The following ZNF454 variants were observed in gnomAD, a reference collection of about 807,000 sequenced individuals.
The protein encoded by ZNF454 is zinc finger protein 454.
Under a neutral mutation model 48.2 loss-of-function variants are expected in ZNF454, and 30 were observed. That is an observed-to-expected ratio of 0.62 (90% confidence interval 0.47 to 0.84). ZNF454 has a LOEUF of 0.84. ZNF454 is among the 40% of genes least tolerant of loss of function. ZNF454 has a pLI of 0.00. For missense variants in ZNF454, 510 were observed against 623.1 expected (o/e 0.82, Z 1.93); for synonymous variants, 204 against 211.4 (o/e 0.97, Z 0.30).
chr5:178,989,818 G>C, the ZNF454 span: 1 of 318,588 alleles, frequency 3.1e-6, no homozygotes, highest in East Asian at 8.0e-5. Flanking sequence ...TAAGCAGGAA[G>C]ACCCAAGGCA....
chr5:178,967,878 T>G (rs139118659), downstream of ZNF454, among the ~76,000 whole-genome samples: 3,879 of 151,916 alleles, frequency 0.026, 79 homozygotes, highest in South Asian at 0.074. Flanking sequence ...TAGCTAGGTC[T>G]ACAGGCACCC....
rs770963444 is a variant in ZNF454, at chr5:178,942,732, T to TCCACAC, written c.-58_-53dup. 3.1e-6 allele frequency: 5 copies of TCCACAC among 1,606,566 alleles called. No homozygotes were observed. In the South Asian group the frequency reaches 5.5e-5, roughly 18 times the overall value. On this transcript the variant is annotated 5_prime_UTR_variant, in exon 2 of 5. Transcript: ENST00000519564. Reference sequence around the variant, plus strand: ...CTGAGGAGTCCTGCAGGTGTGAAGCTCCACACCTGCCTCCATAGCACTTTG... The same window carrying TCCACAC: ...CTGAGGAGTCCTGCAGGTGTGAAGCTCCACACCCACACCTGCCTCCATAGCACTTTG...
At chr5:178,981,988 C>T in the ZNF454 span, 2 of 772,390 alleles carry the variant, frequency 2.6e-6, no homozygotes, top group East Asian at 4.9e-5. This position sits in a 1 kb window ranked among gnomAD's most constrained non-coding sequence, Gnocchi z 5.1. Flanking sequence ...TAGACCAGGA[C>T]AACAGTATGA....
At chr5:178,958,118 GTT>G (rs1759852215) in intron 4 of ZNF454, among the ~76,000 whole-genome samples, 2 of 152,018 alleles carry the variant, frequency 1.3e-5, no homozygotes, top group Non-Finnish European at 2.9e-5. Context: ...TACAGAAACT[GTT>G]TTCTATATAC....
In ZNF454 at chr5:178,946,802, C is replaced by A; in HGVS notation, c.161-95C>A. ...TGGGCTTTCCTATCAAGTCCCATTT[C>A]CCAGCAAGCTCTGAGGACCAGGCTT... On this transcript the variant is annotated intron_variant, in intron 3 of 4. Coordinates refer to ENST00000519564, the MANE Select transcript of ZNF454 (RefSeq NM_001178089.3). This position sits in a 1 kb window ranked among gnomAD's most constrained non-coding sequence, Gnocchi z 4.5. 8.4e-7 allele frequency: 1 copy of A among 1,187,746 alleles called. No individual in the cohort carries two copies. The highest frequency in any genetic ancestry group is 1.2e-6 in the Non-Finnish European group (1 of 819,152). 73.6% of individuals were successfully genotyped at this position (1,187,746 alleles called of 1,614,324 possible).
At chr5:178,981,455 G>A in the ZNF454 span, 2 of 586,430 alleles carry the variant, frequency 3.4e-6, no homozygotes, top group Non-Finnish European at 6.1e-6. This position sits in a 1 kb window ranked among gnomAD's most constrained non-coding sequence, Gnocchi z 5.1. Flanking sequence ...CTGTGGTGAG[G>A]AAGCATGAAG....
chr5:178,965,554 T>C lies in ZNF454; in HGVS notation c.1150T>C (p.Tyr384His). The C allele has an allele frequency of 1.2e-6, 2 of 1,614,160 alleles. No homozygotes were observed. Among genetic ancestry groups the C allele is most frequent in the Non-Finnish European group, 1.7e-6 (2 of 1,180,024 alleles). ...HQRIHTGEKP[Y>H]KCNECGKAFR... is the part of the protein sequence containing the mutation. ...GAGAATTCATACTGGAGAGAAACCT[T>C]ATAAATGTAATGAATGTGGGAAAGC... Residue 384 changes from tyrosine (Y) to histidine (H), a missense_variant, in exon 5 of 5, where the codon TAT (tyrosine) becomes CAT (histidine). Transcript: ENST00000519564. The surrounding 1 kb of genome is among the most constrained non-coding windows in gnomAD (Gnocchi z 5.2).
At chr5:178,967,973 T>C (rs1760190533), downstream of ZNF454, among the ~76,000 whole-genome samples, 1 of 151,986 alleles carries the variant, frequency 6.6e-6, no homozygotes, top group African/African-American at 2.4e-5. Context: ...ACTCCTGACC[T>C]TGTGATCCGC....
rs764764638 is a variant in ZNF454 at position 178,946,968 on chromosome 5, C to A, written c.232C>A (p.Pro78Thr). ...GGAAGTGTGGATGCCAGAGGACACC[C>A]CTGGAGGCTTCTGTCTTGGTAAGAA... is the stretch of plus-strand genomic sequence containing the variant. ...KREVWMPEDTPGGFCLDWMTM... is the reference protein window; with the variant it reads ...KREVWMPEDTTGGFCLDWMTM... The change falls in exon 4 of 5, where the codon CCT becomes ACT. Residue 78 changes from proline to threonine, a missense_variant. By Grantham distance (38) the Pro-to-Thr change is conservative. Coordinates refer to ENST00000519564, the MANE Select transcript of ZNF454 (RefSeq NM_001178089.3). This position sits in a 1 kb window ranked among gnomAD's most constrained non-coding sequence, Gnocchi z 4.5. 6.2e-7 allele frequency: 1 copy of A among 1,613,984 alleles called. No individual in the cohort carries two copies. Among genetic ancestry groups the A allele is most frequent in the Non-Finnish European group, 8.5e-7 (1 of 1,179,924 alleles).
chr5:178,989,235 C>A, the ZNF454 span: 569 of 1,435,462 alleles, frequency 4.0e-4, 1 homozygote, highest in African/African-American at 5.6e-3. Context: ...CCCCACCCTC[C>A]CCACCCTCAC....
the ZNF454 span, among the ~76,000 whole-genome samples, chr5:178,973,706 G>A: frequency 1.3e-5 from 2 of 152,230 alleles, no homozygotes; most frequent in Admixed American, 1.3e-4. Flanking sequence ...TAGCCGGTGT[G>A]GTGGCGGGCG....
At chr5:178,956,670 ATTTAATTT>A (rs757653946) in intron 4 of ZNF454, among the ~76,000 whole-genome samples, 3 of 81,046 alleles carry the variant, frequency 3.7e-5, no homozygotes, top group African/African-American at 1.2e-4. Flanking sequence ...ATTTTATTTT[ATTTAATTT>A]ATTTATTTAT....
rs781348651 is a variant in ZNF454 at position 178,964,842 on chromosome 5, C to A, written c.438C>A (p.Asn146Lys). ...AGCGAGTGGTACTCACTCACCCCAACACCCCATCACAGGAATGTGATGAAT... is the reference window on the plus strand; with the variant it reads ...AGCGAGTGGTACTCACTCACCCCAAAACCCCATCACAGGAATGTGATGAAT... ...SLQRVVLTHP[N>K]TPSQECDESG... Residue 146 changes from asparagine (N) to lysine (K), a missense_variant, in exon 5 of 5, where the codon AAC (asparagine) becomes AAA (lysine). Transcript: ENST00000519564. The A allele has an allele frequency of 2.5e-6, 4 of 1,614,108 alleles. No homozygotes were observed. Among genetic ancestry groups the A allele is most frequent in the Non-Finnish European group, 3.4e-6 (4 of 1,180,048 alleles).
At chr5:178,945,100 C>T (rs551688491) in intron 2 of ZNF454, among the ~76,000 whole-genome samples, 2 of 89,454 alleles carry the variant, frequency 2.2e-5, no homozygotes, top group Middle Eastern at 6.3e-3. Context: ...TGTGTGTGTT[C>T]GGGTGTGTGT....
the ZNF454 span, among the ~76,000 whole-genome samples, chr5:178,976,948 G>A: frequency 0.11 from 16,730 of 152,112 alleles, 1,327 homozygotes; most frequent in African/African-American, 0.22. Flanking sequence ...GCCTGGGGCC[G>A]TGTTCCCCTA....
intron 1 of ZNF454, among the ~76,000 whole-genome samples, chr5:178,942,089 G>A (rs1029815285): frequency 1.3e-5 from 2 of 152,190 alleles, no homozygotes; most frequent in Non-Finnish European, 1.5e-5. Context: ...GGTGGGTTCT[G>A]GAGCTGAATA....
At chr5:178,986,251 A>G in the ZNF454 span, 4 of 1,614,148 alleles carry the variant, frequency 2.5e-6, no homozygotes, top group Non-Finnish European at 3.4e-6. Context: ...CTTGGTGAGC[A>G]GGGCAGAGTA....
At chr5:178,978,519 A>C in the ZNF454 span, 1 of 152,234 alleles carries the variant, frequency 6.6e-6, no homozygotes, top group Non-Finnish European at 1.5e-5. Context: ...GAAAATGGTT[A>C]CTATACAGAA....
chr5:178,966,466 C>T (rs910882236), downstream of ZNF454: 1 of 151,026 alleles, frequency 6.6e-6, no homozygotes, highest in Non-Finnish European at 1.5e-5. Flanking sequence ...ATGGCAAACA[C>T]TCCTCATTCT....
Sources: gnomAD v4.1 joint callset for allele counts (sites outside exome capture counted in the v4.1 genomes callset) on GRCh38, gnomAD v4.1.1 for gene constraint, Gnocchi (gnomAD v3.1) non-coding constraint, MANE v1.5 for transcripts, NCBI Gene and HGNC (gene_info 2026-07-23, HGNC 2026-07-21) for gene names.